The following VSX1 variants were observed in gnomAD, a reference collection of about 807,000 sequenced individuals.
The protein encoded by VSX1 is homeodomain protein RINX.
A neutral mutation model predicts 23.6 loss-of-function variants in VSX1; 23 were observed. That is an observed-to-expected ratio of 0.97 (90% CI 0.70 to 1.38). VSX1 has a LOEUF of 1.38. VSX1 is among the 40% of genes most tolerant of loss of function. The pLI is 0.00. For synonymous variants in VSX1, 247 were observed against 215.1 expected, an observed-to-expected ratio of 1.15 and a Z score of -1.30; for missense variants, 517 against 495.4, an observed-to-expected ratio of 1.04 and a Z score of -0.41.
In VSX1 at chr20:25,081,889, C is replaced by T. The variant is rs754561681; in HGVS notation, c.208G>A (p.Gly70Ser). ...VAPCPGPGLD[G>S]SSLARGALPL... ...AGGGCCCCACGCGCCAGGCTGGAGC[C>T]GTCAAGCCCCGGGCCCGGGCACGGC... The change falls in exon 1 of 5, where the codon GGC becomes AGC. Residue 70 changes from glycine (G) to serine (S), a missense_variant. By Grantham distance (56) the Gly-to-Ser change is moderately conservative. Transcript: ENST00000376709. 3.3e-6 allele frequency: 5 copies of T among 1,527,776 alleles called. No individual in the cohort carries two copies. The Admixed American group carries it at 5.9e-5, about 18-fold the overall frequency. 94.6% of individuals were successfully genotyped at this position (1,527,776 alleles called of 1,614,324 possible).
In VSX1 at chr20:25,076,564, A is replaced by AT; in HGVS notation, c.809-15_809-14insA. 6.3e-7 allele frequency: 1 copy of AT among 1,585,880 alleles called. No homozygotes were observed. Among genetic ancestry groups the AT allele is most frequent in the Non-Finnish European group, 8.5e-7 (1 of 1,171,750 alleles). On this transcript the variant is annotated splice_polypyrimidine_tract_variant and intron_variant, in intron 4 of 4. Transcript: ENST00000376709. ...TTTTATGCATCCCTTGTAAAAAAAA[A>AT]AATAAAAAGGAAAAAATAAAAATAA...
chr20:25,071,590 A>G (rs2089380138), downstream of VSX1: 1 of 491,756 alleles, frequency 2.0e-6, no homozygotes, highest in Non-Finnish European at 4.0e-6. Flanking sequence ...GAGTAGAAGC[A>G]GTTCCGAGTG....
rs1437702582 is a variant in VSX1 at position 25,081,797 on chromosome 20, G to A, written c.300C>T (p.Cys100=). Residue 100 remains cysteine (C), a synonymous_variant, in exon 1 of 5, where the codon TGC becomes TGT. Coordinates refer to ENST00000376709, the MANE Select transcript of VSX1 (RefSeq NM_014588.6). ...TQPPAAARAP[C]LLLADVPFLP... ...GGAACGGCACGTCCGCTAGGAGCAG[G>A]CAGGGTGCTCGAGCGGCCGCCGGCG... 2 of 1,505,766 alleles carry A rather than the reference G, an allele frequency of 1.3e-6. No homozygotes were observed. Among genetic ancestry groups the A allele is most frequent in the Middle Eastern group, 2.3e-4 (1 of 4,258 alleles). 93.3% of individuals were successfully genotyped at this position (1,505,766 alleles called of 1,614,324 possible).
rs145201675 is a variant in VSX1 at position 25,076,062 on chromosome 20, C to A, written c.*199G>T. The A allele has an allele frequency of 7.2e-6, 5 of 698,730 alleles. No individual in the cohort carries two copies. Among genetic ancestry groups the A allele is most frequent in the African/African-American group, 1.8e-5 (1 of 55,816 alleles). The allele number at this position is 698,730 out of a possible 1,614,324, so 43.3% of individuals were successfully genotyped here. A position where few individuals can be genotyped will look rare whatever the true frequency, so the allele number is the denominator to read the frequency against. On this transcript the variant is annotated 3_prime_UTR_variant, in exon 5 of 5. Transcript: ENST00000376709. ...ACTGGTTAAAGTGCCATTAAGGAAC[C>A]GTTTCCATTCTAGAATGAAATAGAA...
chr20:25,081,704 G>C lies in VSX1; in HGVS notation c.393C>G (p.Arg131=). Residue 131 remains arginine (R), a synonymous_variant, in exon 1 of 5, where the codon CGC becomes CGG. Transcript: ENST00000376709. ...APSRPPPALG[R]QKRSDSVSTS... The stretch of plus-strand genomic sequence containing the variant: ...TGGAGACGCTGTCGCTGCGCTTCTG[G>C]CGGCCGAGCGCAGGCGGCGGACGGC... The C allele has an allele frequency of 1.3e-6, 2 of 1,505,656 alleles. No homozygotes were observed. The highest frequency in any genetic ancestry group is 1.8e-6 in the Non-Finnish European group (2 of 1,134,684). 93.3% of individuals were successfully genotyped at this position (1,505,656 alleles called of 1,614,324 possible). A position where few individuals can be genotyped will look rare whatever the true frequency, so the allele number is the denominator to read the frequency against.
At chr20:25,077,941 G>T (rs2089544726) in intron 3 of VSX1, 76 bp from the exon 4 acceptor site, 1 of 1,502,030 alleles carries the variant, frequency 6.7e-7, no homozygotes, top group Non-Finnish European at 9.1e-7. Flanking sequence ...CGGAGGCGGC[G>T]TCCCAGGGCT....
chr20:25,078,573 C>A, intron 3 of VSX1: 28 of 1,252,532 alleles, frequency 2.2e-5, no homozygotes, highest in Admixed American at 3.6e-5. Flanking sequence ...ATTGACATAT[C>A]TTTATAGTTT....
chr20:25,076,342 C>A lies in VSX1; in HGVS notation c.1017G>T (p.Val339=), dbSNP rs781729236. The A allele has an allele frequency of 8.7e-6, 14 of 1,614,046 alleles. No homozygotes were observed. The highest frequency in any genetic ancestry group is 1.2e-5 in the Non-Finnish European group (14 of 1,180,028). ...CTCCTTGAGCACCAGCCCCAGGGTGCACTTTCTTGGTCTCCTGCCGGGCAG... is the reference window on the plus strand; with the variant it reads ...CTCCTTGAGCACCAGCCCCAGGGTGAACTTTCTTGGTCTCCTGCCGGGCAG... ...SSSARQETKK[V]HPGAGAQGGS... is the part of the protein sequence containing the mutation. The change falls in exon 5 of 5, where the codon GTG becomes GTT. Residue 339 remains valine (V), a synonymous_variant. Coordinates refer to ENST00000376709, the MANE Select transcript of VSX1 (RefSeq NM_014588.6).
Position 25,079,398 on chromosome 20 carries a change from G to A in VSX1, c.503+38C>T, listed in dbSNP as rs201534607. The A allele has an allele frequency of 1.2e-4, 191 of 1,585,608 alleles. No individual in the cohort carries two copies. The Middle Eastern group carries it at 3.8e-3, about 31-fold the overall frequency. On this transcript the variant is annotated intron_variant, in intron 2 of 4. Coordinates refer to ENST00000376709, the MANE Select transcript of VSX1 (RefSeq NM_014588.6). The stretch of plus-strand genomic sequence containing the variant: ...TGCCATAAACCTTGGGCTGTGTCCC[G>A]AGGAAAGGCAGGCAGAGGGGACTGC...
chr20:25,071,398 G>A, downstream of VSX1: 1 of 454,046 alleles, frequency 2.2e-6, no homozygotes, highest in South Asian at 1.6e-5. Context: ...CTTCAGCCCA[G>A]GAGTTAGAGG....
rs369462372 is a variant in VSX1, at chr20:25,079,529, A to G, written c.425-15T>C. On this transcript the variant is annotated splice_polypyrimidine_tract_variant and intron_variant, in intron 1 of 4. Coordinates refer to ENST00000376709, the MANE Select transcript of VSX1 (RefSeq NM_014588.6). ...GCTGTCCTCATCTGATGGCACAGAA[A>G]GAAGAAGAGGACTTTAAGGGTGATC... The G allele has an allele frequency of 2.8e-5, 45 of 1,605,630 alleles. No individual in the cohort carries two copies. The highest frequency in any genetic ancestry group is 1.7e-4 in the Middle Eastern group (1 of 6,036).
chr20:25,077,829 G>C lies in VSX1; in HGVS notation c.664C>G (p.Arg222Gly). Residue 222 changes from arginine (R) to glycine (G), a missense_variant, in exon 4 of 5, where the codon CGG (arginine) becomes GGG (glycine). Coordinates refer to ENST00000376709, the MANE Select transcript of VSX1 (RefSeq NM_014588.6). ...FQNRRAKWRK[R>G]EKRWGGSSVM... is the part of the protein sequence containing the mutation. Reference sequence around the variant, plus strand: ...CTGCTGCCGCCCCAGCGCTTCTCCCGCTTGCGCCATTTGGCCCTGCGGTTT... The same window carrying C: ...CTGCTGCCGCCCCAGCGCTTCTCCCCCTTGCGCCATTTGGCCCTGCGGTTT... 5.8e-6 allele frequency: 9 copies of C among 1,551,812 alleles called. No homozygotes were observed. Among genetic ancestry groups the C allele is most frequent in the Non-Finnish European group, 7.0e-6 (8 of 1,147,224 alleles).
chr20:25,079,666 G>T, intron 1 of VSX1, 152 bp from the exon 2 acceptor site: 1 of 678,528 alleles, frequency 1.5e-6, no homozygotes, highest in Non-Finnish European at 2.6e-6. Context: ...TAGATCCCAG[G>T]CTCTGTGCTT....
rs1221969221 is a variant in VSX1, at chr20:25,075,900, A to T, written c.*361T>A. 2.6e-5 allele frequency: 7 copies of T among 269,500 alleles called. No individual in the cohort carries two copies. The highest frequency in any genetic ancestry group is 5.0e-5 in the Non-Finnish European group (7 of 140,574). The allele number at this position is 269,500 out of a possible 1,614,324, so 16.7% of individuals were successfully genotyped here. ...ATATTTCCTAATTGAGAATGAGGAC[A>T]TCAGACCTAACCTATTCATCTATAC... On this transcript the variant is annotated 3_prime_UTR_variant, in exon 5 of 5. Transcript: ENST00000376709.
Position 25,077,870 on chromosome 20 carries a change from T to G in VSX1, c.628-5A>C, listed in dbSNP as rs765227177. 2 of 1,551,518 alleles carry G rather than the reference T, an allele frequency of 1.3e-6. No homozygotes were observed. The highest frequency in any genetic ancestry group is 4.9e-5 in the East Asian group (2 of 41,070). On this transcript the variant is annotated splice_polypyrimidine_tract_variant and splice_region_variant and intron_variant, in intron 3 of 4. Coordinates refer to ENST00000376709, the MANE Select transcript of VSX1 (RefSeq NM_014588.6). ...CCTGCGGTTTTGAAACCAGACCTGG[T>G]TGGAGGCAGGAGAAGCAGAAGGCAC... is the stretch of plus-strand genomic sequence containing the variant.
At chr20:25,078,991 C>A in intron 2 of VSX1, 39 bp from the exon 3 acceptor site, 1 of 1,612,324 alleles carries the variant, frequency 6.2e-7, no homozygotes, top group Non-Finnish European at 8.5e-7. Flanking sequence ...GCACATGTCC[C>A]CTGGGGACAG....
rs2089468887 is a variant in VSX1, at chr20:25,075,513, A to G, written c.*748T>C. 6.6e-6 allele frequency: 1 copy of G among 152,424 alleles called. No individual in the cohort carries two copies. Among genetic ancestry groups the G allele is most frequent in the African/African-American group, 2.4e-5 (1 of 41,460 alleles). The allele number at this position is 152,424 out of a possible 1,614,324, so 9.4% of individuals were successfully genotyped here. ...TTAAAGAATAAATAAATGGCAAAGGAAACGCAGGAAAGGAAAGATTTACAA... is the reference window on the plus strand; with the variant it reads ...TTAAAGAATAAATAAATGGCAAAGGGAACGCAGGAAAGGAAAGATTTACAA... On this transcript the variant is annotated 3_prime_UTR_variant, in exon 5 of 5. Coordinates refer to ENST00000376709, the MANE Select transcript of VSX1 (RefSeq NM_014588.6).
chr20:25,081,495 C>A, intron 1 of VSX1, 178 bp downstream of exon 1: 1 of 964,176 alleles, frequency 1.0e-6, no homozygotes, highest in Non-Finnish European at 1.7e-6. Context: ...TAGGATGCAG[C>A]AAGGGGCAGG....
downstream of VSX1, chr20:25,071,898 A>G: frequency 1.4e-6 from 1 of 707,362 alleles, no homozygotes; most frequent in Non-Finnish European, 2.6e-6. Flanking sequence ...CCAGAGGGGC[A>G]GACTTTAGCA....
Sources: allele counts gnomAD v4.1 joint callset, GRCh38; gene constraint gnomAD v4.1.1; transcripts MANE v1.5; gene names NCBI Gene and HGNC (gene_info 2026-07-23, HGNC 2026-07-21).